TAFA5: variants seen among roughly 807,000 people sequenced by gnomAD.
TAFA5 encodes the protein TAFA chemokine like family member 5, also known as chemokine-like protein TAFA-5.
TAFA5 carries 6 observed loss-of-function variants against 15.3 expected under a neutral mutation model. That is an observed-to-expected ratio of 0.39 (90% CI 0.21 to 0.77). The LOEUF is 0.77. TAFA5 is among the 30% of genes least tolerant of loss of function. The probability of loss-of-function intolerance (pLI) is 0.41; values close to 1 mark genes in which losing one functional copy is unlikely to be tolerated. For missense variants in TAFA5, 161 were observed against 193.1 expected (o/e 0.83, Z 0.98); for synonymous variants, 103 against 80.7 (o/e 1.28, Z -1.48).
At chr22:48,650,585 G>T (rs1927017542) in intron 2 of TAFA5, among the ~76,000 whole-genome samples, 1 of 152,168 alleles carries the variant, frequency 6.6e-6, no homozygotes, top group Non-Finnish European at 1.5e-5. Flanking sequence ...GGGGGCCAGT[G>T]GTTAGAGAGG....
intron 2 of TAFA5, among the ~76,000 whole-genome samples, chr22:48,652,882 G>C (rs892263045): frequency 6.6e-6 from 1 of 152,148 alleles, no homozygotes; most frequent in Non-Finnish European, 1.5e-5. Context: ...ATTTCTGGAG[G>C]CTTCCCGAGG....
intron 2 of TAFA5, among the ~76,000 whole-genome samples, chr22:48,658,070 G>A (rs1471714369): frequency 2.6e-5 from 4 of 152,212 alleles, no homozygotes; most frequent in African/African-American, 4.8e-5. Context: ...GAGAGCTGAG[G>A]GGGCCCAGCA....
At chr22:48,623,067 G>A (rs770852017) in intron 1 of TAFA5, among the ~76,000 whole-genome samples, 23 of 152,240 alleles carry the variant, frequency 1.5e-4, no homozygotes, top group African/African-American at 4.6e-4. Flanking sequence ...GGGCGAGCTC[G>A]GCCCTGCAGC....
chr22:48,537,939 C>T (rs936632910), intron 1 of TAFA5, among the ~76,000 whole-genome samples: 2 of 152,114 alleles, frequency 1.3e-5, no homozygotes. Flanking sequence ...CCTTCCATTC[C>T]CCCGTGGGCC....
At chr22:48,704,384 G>A (rs6010595) in intron 2 of TAFA5, among the ~76,000 whole-genome samples, 49,016 of 152,016 alleles carry the variant, frequency 0.32, 8,248 homozygotes, top group East Asian at 0.6. Context: ...CCAACACGAT[G>A]CATCAGGGAT....
chr22:48,503,402 G>A (rs5768686), intron 1 of TAFA5, among the ~76,000 whole-genome samples: 56,164 of 152,162 alleles, frequency 0.37, 13,131 homozygotes, highest in African/African-American at 0.66. Flanking sequence ...CATTGTGGAC[G>A]GGCCTTGCCA....
intron 1 of TAFA5, among the ~76,000 whole-genome samples, chr22:48,506,738 C>A (rs1286742239): frequency 6.6e-6 from 1 of 152,222 alleles, no homozygotes; most frequent in African/African-American, 2.4e-5. Context: ...GGACCACGGC[C>A]TTTCCTTAGC....
At chr22:48,680,320 C>T (rs1928140904) in intron 2 of TAFA5, among the ~76,000 whole-genome samples, 1 of 152,216 alleles carries the variant, frequency 6.6e-6, no homozygotes, top group South Asian at 2.1e-4. Context: ...GCTGGGTTCT[C>T]AGAACAAAAG....
intron 1 of TAFA5, among the ~76,000 whole-genome samples, chr22:48,594,341 G>A (rs1337867099): frequency 3.3e-5 from 5 of 152,212 alleles, no homozygotes; most frequent in South Asian, 2.1e-4. Context: ...GTTCTGGGGT[G>A]CACGCATGTA....
intron 3 of TAFA5, among the ~76,000 whole-genome samples, chr22:48,720,704 A>G (rs992100580): frequency 1.3e-5 from 2 of 152,114 alleles, no homozygotes; most frequent in Non-Finnish European, 2.9e-5. Flanking sequence ...TATGTTCACA[A>G]TGGAAATGCA....
chr22:48,543,114 C>G (rs1922521526), intron 1 of TAFA5, among the ~76,000 whole-genome samples: 1 of 151,906 alleles, frequency 6.6e-6, no homozygotes, highest in South Asian at 2.1e-4. Flanking sequence ...CCACCTGGAG[C>G]CCTCCACGTC....
intron 1 of TAFA5, among the ~76,000 whole-genome samples, chr22:48,589,195 G>T (rs1014709416): frequency 6.6e-6 from 1 of 152,220 alleles, no homozygotes; most frequent in Non-Finnish European, 1.5e-5. Flanking sequence ...TGGCATGCAC[G>T]TATTGAGTAC....
intron 3 of TAFA5, among the ~76,000 whole-genome samples, chr22:48,714,784 T>C (rs1193842141): frequency 6.6e-6 from 1 of 152,134 alleles, no homozygotes; most frequent in Non-Finnish European, 1.5e-5. Flanking sequence ...CAGAAACATA[T>C]TATCTCAAGG....
At chr22:48,533,771 C>CT (rs34617833) in intron 1 of TAFA5, among the ~76,000 whole-genome samples, 5 of 151,568 alleles carry the variant, frequency 3.3e-5, no homozygotes, top group Admixed American at 6.6e-5. Flanking sequence ...TTCCCCAAAC[C>CT]TTTTTTTTTC....
At chr22:48,662,412 CAAGAGGAGT>C (rs1927473619) in intron 2 of TAFA5, among the ~76,000 whole-genome samples, 2 of 152,154 alleles carry the variant, frequency 1.3e-5, no homozygotes, top group Admixed American at 6.5e-5. Flanking sequence ...TTCAGGGCAG[CAAGAGGAGT>C]CTGCAGAGGT....
intron 1 of TAFA5, among the ~76,000 whole-genome samples, chr22:48,638,716 CAG>C (rs1360163315): frequency 1.4e-5 from 2 of 141,944 alleles, no homozygotes; most frequent in South Asian, 2.2e-4. Flanking sequence ...ACACTGCACA[CAG>C]GGGGGACCCC....
At chr22:48,571,574 G>GTTTTTTGTTTT (rs1923587392) in intron 1 of TAFA5, among the ~76,000 whole-genome samples, 1 of 29,234 alleles carries the variant, frequency 3.4e-5, no homozygotes, top group African/African-American at 1.1e-4. Flanking sequence ...TGCCTGGCCT[G>GTTTTTTGTTTT]TTTTTTTTTT....
chr22:48,618,106 A>G (rs757513212), intron 1 of TAFA5, among the ~76,000 whole-genome samples: 1 of 152,050 alleles, frequency 6.6e-6, no homozygotes, highest in Non-Finnish European at 1.5e-5. Context: ...GGGGTTTCTG[A>G]TTTTAGAGAG....
In TAFA5 at chr22:48,717,427, G is replaced by T. The variant is rs768354698; in HGVS notation, c.390+9583G>T. On this transcript the variant is annotated intron_variant, in intron 3 of 3. Transcript: ENST00000402357. Reference sequence around the variant, plus strand: ...CGGAAGATGAGGGGAAGGGGTCAGGGGACAAGAGGTGTCTCCCAGGGAGAG... The same window carrying T: ...CGGAAGATGAGGGGAAGGGGTCAGGTGACAAGAGGTGTCTCCCAGGGAGAG... Among the ~76,000 whole-genome samples, 35 of 152,328 alleles carry T rather than the reference G, an allele frequency of 2.3e-4. 1 individual carries two copies. The highest frequency in any genetic ancestry group is 1.2e-3 in the Admixed American group (19 of 15,308).
Sources: allele counts gnomAD v4.1 joint callset (sites outside exome capture counted in the v4.1 genomes callset), GRCh38; gene constraint gnomAD v4.1.1; transcripts MANE v1.5; gene names NCBI Gene and HGNC (gene_info 2026-07-23, HGNC 2026-07-21).